Variants in RIMS2 observed in about 807,000 individuals in gnomAD.
The protein encoded by RIMS2 is regulating synaptic membrane exocytosis 2.
RIMS2 carries 59 observed loss-of-function variants against 174.4 expected under a neutral mutation model. The observed-to-expected ratio is 0.34, with a 90% CI of 0.27 to 0.42. RIMS2 has a LOEUF of 0.42. Among genes scored for constraint, RIMS2 ranks in the 10% least tolerant of loss-of-function variants. The pLI is 1.00. For synonymous variants in RIMS2, 606 were observed against 572.5 expected (o/e 1.06, Z -0.84); for missense variants, 1,620 against 1,666.3 (o/e 0.97, Z 0.48).
chr8:103,596,891 G>A (rs2094498190), intron 1 of RIMS2, among the ~76,000 whole-genome samples: 1 of 151,962 alleles, frequency 6.6e-6, no homozygotes, highest in Non-Finnish European at 1.5e-5. Context: ...AATTTGCTGA[G>A]CTCTATTGGA....
At chr8:103,880,189 A>G (rs1187278140) in intron 3 of RIMS2, among the ~76,000 whole-genome samples, 2 of 151,644 alleles carry the variant, frequency 1.3e-5, no homozygotes. Context: ...ATTATCAATA[A>G]CAAGCACATA....
At chr8:104,098,938 A>G (rs1285532950) in intron 19 of RIMS2, among the ~76,000 whole-genome samples, 1 of 152,212 alleles carries the variant, frequency 6.6e-6, no homozygotes, top group Non-Finnish European at 1.5e-5. Context: ...CTAAAATACC[A>G]GCATTGTCAT....
chr8:103,885,926 A>G, exon 4 of RIMS2: 2 of 1,613,038 alleles, frequency 1.2e-6, no homozygotes, highest in Non-Finnish European at 1.7e-6. Context: ...TCCACTACCC[A>G]TAGATAGACC....
chr8:103,757,016 AG>A (rs2098027683), intron 2 of RIMS2, among the ~76,000 whole-genome samples: 2 of 138,030 alleles, frequency 1.4e-5, no homozygotes, highest in African/African-American at 5.4e-5. Context: ...TGTGTGAGAG[AG>A]AGAGAGAGAG....
rs112321830 is a variant in RIMS2 at position 103,601,492 on chromosome 8, T to C, written c.177-95594T>C. On this transcript the variant is annotated intron_variant, in intron 1 of 23. Coordinates refer to ENST00000504942, the Ensembl canonical transcript of RIMS2. Reference sequence around the variant, plus strand: ...CTGATATAAATATAGTGACTTCTCCTCTTTTTTGGTTTCCATTGGCATGGA... The same window carrying C: ...CTGATATAAATATAGTGACTTCTCCCCTTTTTTGGTTTCCATTGGCATGGA... 3.3e-5 allele frequency among the ~76,000 whole-genome samples: 5 copies of C among 152,286 alleles called. No individual in the cohort carries two copies. The South Asian group carries it at 1.0e-3, about 32-fold the overall frequency.
At chr8:103,871,671 C>G (rs1390876719) in intron 3 of RIMS2, among the ~76,000 whole-genome samples, 2 of 152,014 alleles carry the variant, frequency 1.3e-5, no homozygotes, top group Non-Finnish European at 2.9e-5. Flanking sequence ...CATAAACACA[C>G]TTAAACTTTG....
chr8:103,820,169 A>C (rs1464117364), intron 3 of RIMS2, among the ~76,000 whole-genome samples: 1 of 152,048 alleles, frequency 6.6e-6, no homozygotes, highest in Non-Finnish European at 1.5e-5. Flanking sequence ...TCTTTGTTAT[A>C]AATTCCTATT....
At chr8:104,100,212 G>A (rs2097846366) in intron 19 of RIMS2, among the ~76,000 whole-genome samples, 2 of 152,016 alleles carry the variant, frequency 1.3e-5, no homozygotes, top group Non-Finnish European at 2.9e-5. Flanking sequence ...TTGTTTAGAT[G>A]CTATTGTAAA....
chr8:103,870,425 A>C (rs2099105527), intron 3 of RIMS2, among the ~76,000 whole-genome samples: 1 of 152,034 alleles, frequency 6.6e-6, no homozygotes, highest in Non-Finnish European at 1.5e-5. Context: ...AATAAAAAAA[A>C]TTATAGCATT....
intron 19 of RIMS2, among the ~76,000 whole-genome samples, chr8:104,206,208 G>C (rs1304438100): frequency 6.6e-6 from 1 of 152,068 alleles, no homozygotes; most frequent in Non-Finnish European, 1.5e-5. Flanking sequence ...TCACAGAGAG[G>C]GGTTATTGAG....
At chr8:103,813,673 A>G (rs1442885203) in intron 3 of RIMS2, among the ~76,000 whole-genome samples, 1 of 152,058 alleles carries the variant, frequency 6.6e-6, no homozygotes, top group East Asian at 1.9e-4. Flanking sequence ...TGTCCTTGCA[A>G]TAGTTTGCTG....
rs1298421333 is a variant in RIMS2, at chr8:104,139,237, T to G, written c.3335-105679T>G. Among the ~76,000 whole-genome samples, 8 of 152,290 alleles carry G rather than the reference T, an allele frequency of 5.3e-5. No individual in the cohort carries two copies. The East Asian group carries it at 1.3e-3, about 26-fold the overall frequency. ...TTTGTTCTTTTTGTTTAGGATAGCT[T>G]TAGCTATTCTGAGTCTTTTGTGTCT... On this transcript the variant is annotated intron_variant, in intron 19 of 23. Transcript: ENST00000504942.
At chr8:104,239,358 T>G (rs1349498540) in intron 19 of RIMS2, among the ~76,000 whole-genome samples, 1 of 152,166 alleles carries the variant, frequency 6.6e-6, no homozygotes, top group Non-Finnish European at 1.5e-5. Flanking sequence ...CTTCTGCCTG[T>G]GATGTTTTGC....
chr8:103,986,282 A>G (rs549507836), intron 16 of RIMS2, among the ~76,000 whole-genome samples: 3 of 152,308 alleles, frequency 2.0e-5, no homozygotes, highest in Non-Finnish European at 2.9e-5. Context: ...GTACAGAACA[A>G]TGGAGAAAGT....
At chr8:103,879,033 A>G (rs1337158148) in intron 3 of RIMS2, among the ~76,000 whole-genome samples, 2 of 151,692 alleles carry the variant, frequency 1.3e-5, no homozygotes, top group African/African-American at 4.8e-5. Flanking sequence ...CAAAAGCAAT[A>G]AACAAAAGAA....
intron 2 of RIMS2, among the ~76,000 whole-genome samples, chr8:103,728,338 CT>C (rs1183828549): frequency 6.6e-6 from 1 of 151,980 alleles, no homozygotes; most frequent in Non-Finnish European, 1.5e-5. Context: ...TTGGTGGAGT[CT>C]TTAGGTTTTT....
intron 1 of RIMS2, among the ~76,000 whole-genome samples, chr8:103,671,252 T>C (rs948509746): frequency 6.6e-6 from 1 of 152,110 alleles, no homozygotes; most frequent in Non-Finnish European, 1.5e-5. Context: ...GTGGGAATTA[T>C]GGGAGCTACA....
At chr8:103,580,189 T>C (rs186716423) in intron 1 of RIMS2, among the ~76,000 whole-genome samples, 146 of 152,038 alleles carry the variant, frequency 9.6e-4, no homozygotes, top group Non-Finnish European at 1.9e-3. Context: ...CCTTACCAAT[T>C]ATAACCTTGA....
intron 17 of RIMS2, among the ~76,000 whole-genome samples, chr8:104,002,003 A>G (rs2095409995): frequency 6.6e-6 from 1 of 152,014 alleles, no homozygotes; most frequent in African/African-American, 2.4e-5. Flanking sequence ...ATTTACCTGA[A>G]TAATCTATTT....
Sources: gnomAD v4.1 joint callset for allele counts (sites outside exome capture counted in the v4.1 genomes callset) on GRCh38, gnomAD v4.1.1 for gene constraint, MANE v1.5 for transcripts, NCBI Gene and HGNC (gene_info 2026-07-23, HGNC 2026-07-21) for gene names.